The following SRSF4 variants were observed in gnomAD, a reference collection of about 807,000 sequenced individuals.
The protein encoded by SRSF4 is serine and arginine rich splicing factor 4.
SRSF4 carries 12 observed loss-of-function variants against 48.8 expected under a neutral mutation model. That is an observed-to-expected ratio of 0.25 (90% confidence interval 0.16 to 0.40). The LOEUF (loss-of-function observed/expected upper bound fraction) is 0.40. SRSF4 is among the 10% of genes least tolerant of loss of function. SRSF4 has a pLI of 1.00. For missense variants in SRSF4, 466 were observed against 667.1 expected (o/e 0.70, Z 3.32); for synonymous variants, 248 against 232.5 (o/e 1.07, Z -0.61).
rs764518525 is a variant in SRSF4, at chr1:29,181,804, G to C, written c.-52C>G. 2.7e-6 allele frequency: 4 copies of C among 1,475,502 alleles called. No homozygotes were observed. Among genetic ancestry groups the C allele is most frequent in the Non-Finnish European group, 3.6e-6 (4 of 1,108,822 alleles). 91.4% of individuals were successfully genotyped at this position (1,475,502 alleles called of 1,614,324 possible). A position where few individuals can be genotyped will look rare whatever the true frequency, so the allele number is the denominator to read the frequency against. On this transcript the variant is annotated 5_prime_UTR_variant, in exon 1 of 6. Coordinates refer to ENST00000373795, the MANE Select transcript of SRSF4 (RefSeq NM_005626.5). ...CCGGCCCCAGCCCCCCTTAGGCGGC[G>C]GCGGGCAAAGCGAGAGCACGGCGGC...
At position 29,149,040 on chromosome 1, in the gene SRSF4, T is replaced by C; in HGVS notation, c.855A>G (p.Lys285=). Reference sequence around the variant, plus strand: ...GCCTGCTAGGACTCCGGCTCTTGGGTTTCCCGACATTGTCATTGTTTTGGA... The same window carrying C: ...GCCTGCTAGGACTCCGGCTCTTGGGCTTCCCGACATTGTCATTGTTTTGGA... The part of the protein sequence containing the change: ...EKIQNNDNVG[K]PKSRSPSRHK... The change falls in exon 6 of 6, where the codon AAA becomes AAG. Residue 285 remains lysine, a synonymous_variant. Transcript: ENST00000373795. 6.2e-7 allele frequency: 1 copy of C among 1,613,478 alleles called. No individual in the cohort carries two copies. Among genetic ancestry groups the C allele is most frequent in the East Asian group, 2.2e-5 (1 of 44,800 alleles).
At chr1:29,179,084 T>C (rs989604697) in intron 1 of SRSF4, among the ~76,000 whole-genome samples, 5 of 152,234 alleles carry the variant, frequency 3.3e-5, no homozygotes, top group Non-Finnish European at 4.4e-5. Flanking sequence ...TGAAAGGCTC[T>C]TTCCTCTTAT....
chr1:29,162,039 A>ACC (rs1672605026), intron 1 of SRSF4, among the ~76,000 whole-genome samples: 2 of 152,168 alleles, frequency 1.3e-5, no homozygotes, highest in African/African-American at 4.8e-5. Flanking sequence ...ATGTGTAGGT[A>ACC]ACAACGTTGG....
intron 1 of SRSF4, among the ~76,000 whole-genome samples, chr1:29,174,721 T>C (rs1219770776): frequency 6.8e-6 from 1 of 147,650 alleles, no homozygotes; most frequent in East Asian, 2.1e-4. Flanking sequence ...ATCACCAGGC[T>C]GGAGTGCAGT....
chr1:29,155,456 G>A (rs1672486392), intron 3 of SRSF4, among the ~76,000 whole-genome samples: 2 of 152,066 alleles, frequency 1.3e-5, no homozygotes, highest in African/African-American at 4.8e-5. Context: ...AGTTTTGTGT[G>A]AATATAGAAG....
intron 1 of SRSF4, among the ~76,000 whole-genome samples, chr1:29,175,686 C>A (rs1427607087): frequency 5.5e-5 from 4 of 72,830 alleles, no homozygotes; most frequent in African/African-American, 1.7e-4. Flanking sequence ...CAGAGCCAGA[C>A]GCTGTCTCAA....
Position 29,178,505 on chromosome 1 carries a change from G to A in SRSF4, c.107+3141C>T, listed in dbSNP as rs541370726. On this transcript the variant is annotated intron_variant, in intron 1 of 5. Transcript: ENST00000373795. Reference sequence around the variant, plus strand: ...ACTACAGGTGCCTGCCACCATGCCCGGCTACTTTTTTTTAATTTTTATTTT... The same window carrying A: ...ACTACAGGTGCCTGCCACCATGCCCAGCTACTTTTTTTTAATTTTTATTTT... Among the ~76,000 whole-genome samples, 7 of 151,916 alleles carry A rather than the reference G, an allele frequency of 4.6e-5. No individual in the cohort carries two copies. The South Asian group carries it at 1.0e-3, about 23-fold the overall frequency.
At chr1:29,175,578 C>T (rs2151826380) in intron 1 of SRSF4, among the ~76,000 whole-genome samples, 1 of 148,170 alleles carries the variant, frequency 6.7e-6, no homozygotes, top group Middle Eastern at 3.4e-3. Context: ...TCCTGTAGTC[C>T]CAGCTACTTG....
rs1672330560 is a variant in SRSF4 at position 29,147,955 on chromosome 1, CTTTGT to C, written c.*450_*454del. On this transcript the variant is annotated 3_prime_UTR_variant, in exon 6 of 6. Coordinates refer to ENST00000373795, the MANE Select transcript of SRSF4 (RefSeq NM_005626.5). ...TTTTCCTCGACTGTGCTATTCACAA[CTTTGT>C]TAAGTCCAAAAATATGAAACCAAAG... is the stretch of plus-strand genomic sequence containing the variant. 4.9e-6 allele frequency: 2 copies of C among 410,200 alleles called. No homozygotes were observed. Among genetic ancestry groups the C allele is most frequent in the African/African-American group, 4.1e-5 (2 of 48,684 alleles). The allele number at this position is 410,200 out of a possible 1,614,324, so 25.4% of individuals were successfully genotyped here.
At chr1:29,177,283 GTT>G (rs397934546) in intron 1 of SRSF4, among the ~76,000 whole-genome samples, 4 of 137,848 alleles carry the variant, frequency 2.9e-5, no homozygotes, top group Admixed American at 7.3e-5. Flanking sequence ...AACTCTTTTT[GTT>G]TTTTTTTTTT....
rs746965881 is a variant in SRSF4, at chr1:29,149,020, C to T, written c.875G>A (p.Ser292Asn). The change falls in exon 6 of 6, where the codon AGC becomes AAC. Residue 292 changes from serine to asparagine, a missense_variant. Ser to Asn is a conservative substitution (Grantham distance 46). Transcript: ENST00000373795. The part of the protein sequence containing the change: ...NVGKPKSRSP[S>N]RHKSKSKSRS... ...ACTTTTGCTCTTACTTTTATGCCTG[C>T]TAGGACTCCGGCTCTTGGGTTTCCC... 1.2e-6 allele frequency: 2 copies of T among 1,613,788 alleles called. No homozygotes were observed. Among genetic ancestry groups the T allele is most frequent in the Non-Finnish European group, 1.7e-6 (2 of 1,179,976 alleles).
At chr1:29,176,446 GAGCCTTGGGAGA>G (rs570369113) in intron 1 of SRSF4, among the ~76,000 whole-genome samples, 5 of 150,788 alleles carry the variant, frequency 3.3e-5, no homozygotes, top group South Asian at 4.2e-4. Flanking sequence ...ATGAATGACA[GAGCCTTGGGAGA>G]AGCCTTGGGA....
At position 29,159,449 on chromosome 1, in the gene SRSF4, A is replaced by G. The variant is rs985656407; in HGVS notation, c.288T>C (p.Tyr96=). The G allele has an allele frequency of 2.5e-6, 4 of 1,614,050 alleles. No homozygotes were observed. Among genetic ancestry groups the G allele is most frequent in the Non-Finnish European group, 3.4e-6 (4 of 1,179,956 alleles). Residue 96 remains tyrosine (Y), a synonymous_variant, in exon 3 of 6, where the codon TAT becomes TAC. Coordinates refer to ENST00000373795, the MANE Select transcript of SRSF4 (RefSeq NM_005626.5). ...YGYRRSGRDK[Y]GPPTRTEYRL... is the part of the protein sequence containing the mutation. ...TGTACTCTGTGCGAGTAGGAGGGCC[A>G]TATTTATCTCGGCCACTTCTTCTAT... is the stretch of plus-strand genomic sequence containing the variant.
At chr1:29,150,048 A>G (rs1672382299) in intron 5 of SRSF4, 55 bp downstream of exon 5, 1 of 1,418,620 alleles carries the variant, frequency 7.0e-7, no homozygotes. Flanking sequence ...AAAAAGTGAG[A>G]CAGGGTACAG....
Position 29,149,087 on chromosome 1 carries a change from TGCTCTTGCTGCG to T in SRSF4, c.796_807del (p.Arg266_Ser269del). ...TGGATCTTCTCTTCAGCTTGGTCTT[TGCTCTTGCTGCG>T]GCTCTTGCCAGCGCTATGGCTGCGG... On this transcript the variant is annotated inframe_deletion, in exon 6 of 6. Coordinates refer to ENST00000373795, the MANE Select transcript of SRSF4 (RefSeq NM_005626.5). 3 of 1,613,820 alleles carry T rather than the reference TGCTCTTGCTGCG, an allele frequency of 1.9e-6. No homozygotes were observed. The highest frequency in any genetic ancestry group is 2.2e-5 in the East Asian group (1 of 44,810).
At chr1:29,179,996 T>C (rs1672930124) in intron 1 of SRSF4, among the ~76,000 whole-genome samples, 1 of 152,214 alleles carries the variant, frequency 6.6e-6, no homozygotes, top group African/African-American at 2.4e-5. Context: ...ACGCTTTATG[T>C]TATCAAACAC....
Position 29,181,679 on chromosome 1 carries a change from T to C in SRSF4, c.74A>G (p.Tyr25Cys). Residue 25 changes from tyrosine to cysteine, a missense_variant, in exon 1 of 6, where the codon TAC becomes TGC. Around this residue, in one of 2 missense-constraint regions of SRSF4, gnomAD observed 64 missense variants for 230.2 expected, o/e 0.28. Coordinates refer to ENST00000373795, the MANE Select transcript of SRSF4 (RefSeq NM_005626.5). ...CAGATCCACCTCCAGGATCTTCCCGTAGCCCTTAAAGAAGCGCTCCACATC... is the reference window on the plus strand; with the variant it reads ...CAGATCCACCTCCAGGATCTTCCCGCAGCCCTTAAAGAAGCGCTCCACATC... ...ERDVERFFKG[Y>C]GKILEVDLKN... The C allele has an allele frequency of 6.3e-7, 1 of 1,597,682 alleles. No individual in the cohort carries two copies. The highest frequency in any genetic ancestry group is 8.5e-7 in the Non-Finnish European group (1 of 1,173,600).
At chr1:29,156,369 T>A (rs3061105) in intron 3 of SRSF4, among the ~76,000 whole-genome samples, 5,171 of 135,358 alleles carry the variant, frequency 0.038, 266 homozygotes, top group African/African-American at 0.13. Flanking sequence ...AAAAAAAAAA[T>A]TTATTTTTTA....
chr1:29,150,515 C>T (rs1434152791), intron 4 of SRSF4, among the ~76,000 whole-genome samples: 2 of 152,090 alleles, frequency 1.3e-5, no homozygotes, highest in African/African-American at 4.8e-5. Context: ...CCACCTGCCT[C>T]GACTTCCCAA....
Sources: allele counts gnomAD v4.1 joint callset (sites outside exome capture counted in the v4.1 genomes callset), GRCh38; gene constraint gnomAD v4.1.1; regional missense constraint gnomAD v4.1.1; transcripts MANE v1.5; gene names NCBI Gene and HGNC (gene_info 2026-07-23, HGNC 2026-07-21).